The following INPP5A variants were observed in gnomAD, a reference collection of about 807,000 sequenced individuals.
The protein encoded by INPP5A is 43 kDa inositol polyphosphate 5-phophatase.
In INPP5A, 14 loss-of-function variants were observed where a neutral mutation model predicts 65.2. That is an observed-to-expected ratio of 0.21 (90% CI 0.14 to 0.34). The LOEUF (loss-of-function observed/expected upper bound fraction) is 0.34. Ranked by LOEUF, INPP5A falls within the 10% of genes least tolerant of loss-of-function variation. The pLI is 1.00. For missense variants in INPP5A, 431 were observed against 545.6 expected, an observed-to-expected ratio of 0.79 and a Z score of 2.09; for synonymous variants, 207 against 208.3, an observed-to-expected ratio of 0.99 and a Z score of 0.05.
chr10:132,733,646 C>G (rs1846125047), intron 9 of INPP5A, among the ~76,000 whole-genome samples: 1 of 152,130 alleles, frequency 6.6e-6, no homozygotes, highest in Non-Finnish European at 1.5e-5. Flanking sequence ...TGACTTGGAC[C>G]AAGGAATTGA....
In INPP5A at chr10:132,551,514, G is replaced by A. The variant is rs1369706792; in HGVS notation, c.75+13343G>A. Among the ~76,000 whole-genome samples the A allele has an allele frequency of 2.0e-5, 3 of 152,220 alleles. No homozygotes were observed. Among genetic ancestry groups the A allele is most frequent in the African/African-American group, 4.8e-5 (2 of 41,444 alleles). On this transcript the variant is annotated intron_variant, in intron 1 of 15. Transcript: ENST00000368594. This position sits in a 1 kb window ranked among gnomAD's most constrained non-coding sequence, Gnocchi z 5.3. ...GGGGGATTTGGGTGGGACTCTCAGA[G>A]GAGCTGGTTCTCTTGAGAAAGACAT...
At position 132,748,354 on chromosome 10, in the gene INPP5A, G is replaced by A. The variant is rs114832610; in HGVS notation, c.733-1163G>A. Reference sequence around the variant, plus strand: ...ACGCCGGTGCCTCTGCCCGCCATGAGCACGGGCCCTCGCTGTCCACACAGA... The same window carrying A: ...ACGCCGGTGCCTCTGCCCGCCATGAACACGGGCCCTCGCTGTCCACACAGA... On this transcript the variant is annotated intron_variant, in intron 9 of 15. Transcript: ENST00000368594. Among the ~76,000 whole-genome samples, 522 of 152,348 alleles carry A rather than the reference G, an allele frequency of 3.4e-3. 3 individuals are homozygous for A. Among genetic ancestry groups the A allele is most frequent in the African/African-American group, 0.011 (464 of 41,586 alleles).
intron 6 of INPP5A, 83 bp from the exon 7 acceptor site, chr10:132,708,230 C>G: frequency 8.1e-7 from 1 of 1,228,854 alleles, no homozygotes; most frequent in Non-Finnish European, 1.2e-6. Flanking sequence ...AAAGCATCTC[C>G]TGTGTCCTTT....
chr10:132,559,999 GCT>G (rs1474360763), intron 1 of INPP5A, among the ~76,000 whole-genome samples: 2 of 152,194 alleles, frequency 1.3e-5, no homozygotes, highest in Non-Finnish European at 2.9e-5. Flanking sequence ...TGTGTCTCCA[GCT>G]CTCTTGGGTG....
intron 4 of INPP5A, among the ~76,000 whole-genome samples, chr10:132,682,183 A>G (rs61862804): frequency 2.1e-3 from 214 of 100,160 alleles, no homozygotes; most frequent in African/African-American, 4.3e-3. Flanking sequence ...CGTCCTGGAG[A>G]TGGGAAGGTG....
chr10:132,650,583 G>T lies in INPP5A; in HGVS notation c.306+78G>T. 9.5e-7 allele frequency: 1 copy of T among 1,048,294 alleles called. No individual in the cohort carries two copies. The highest frequency in any genetic ancestry group is 1.3e-5 in the South Asian group (1 of 79,174). 64.9% of individuals were successfully genotyped at this position (1,048,294 alleles called of 1,614,324 possible). A position where few individuals can be genotyped will look rare whatever the true frequency, so the allele number is the denominator to read the frequency against. ...AAGCCAGCCCTTCTCCTGTGTAAAT[G>T]GAGAGAGGTCGGGGTGCTCCCTGCC... On this transcript the variant is annotated intron_variant, in intron 4 of 15. Transcript: ENST00000368594. This position sits in a 1 kb window ranked among gnomAD's most constrained non-coding sequence, Gnocchi z 5.5.
intron 12 of INPP5A, among the ~76,000 whole-genome samples, chr10:132,775,387 C>T (rs768267532): frequency 1.3e-5 from 2 of 152,054 alleles, no homozygotes; most frequent in Non-Finnish European, 1.5e-5. Flanking sequence ...GGCACTCCCA[C>T]GTCAGTCACT....
chr10:132,561,177 C>T (rs1212563043), intron 1 of INPP5A, among the ~76,000 whole-genome samples: 2 of 151,722 alleles, frequency 1.3e-5, no homozygotes, highest in South Asian at 2.1e-4. Flanking sequence ...ATCCTCCCAC[C>T]CCAGCCTCTG....
At chr10:132,562,839 T>C (rs1398377632) in intron 1 of INPP5A, among the ~76,000 whole-genome samples, 1 of 152,226 alleles carries the variant, frequency 6.6e-6, no homozygotes, top group African/African-American at 2.4e-5. Flanking sequence ...GGACAGAGCC[T>C]TGAGCTTGGA....
At chr10:132,730,915 T>A (rs533665020) in intron 9 of INPP5A, among the ~76,000 whole-genome samples, 1 of 152,320 alleles carries the variant, frequency 6.6e-6, no homozygotes, top group African/African-American at 2.4e-5. Flanking sequence ...TCAGATCTGA[T>A]AGAGCCGCGT....
chr10:132,542,401 G>A (rs1270614875), intron 1 of INPP5A, among the ~76,000 whole-genome samples: 2 of 152,094 alleles, frequency 1.3e-5, no homozygotes, highest in Admixed American at 6.5e-5. Context: ...GTATGGAGTC[G>A]GTGATGGTCA....
intron 5 of INPP5A, among the ~76,000 whole-genome samples, chr10:132,696,914 A>C (rs373397151): frequency 7.2e-4 from 110 of 152,320 alleles, no homozygotes; most frequent in African/African-American, 2.6e-3. Context: ...GTGACCCAGT[A>C]CCTTGGCCCA....
rs112953417 is a variant in INPP5A, at chr10:132,681,148, A to G, written c.307-9244A>G. On this transcript the variant is annotated intron_variant, in intron 4 of 15. Coordinates refer to ENST00000368594, the MANE Select transcript of INPP5A (RefSeq NM_005539.5). ...TGGTGGGGACGTGCAGAACCTTTGTATCTAGCTCAGGGATTGTAAACGCAC... is the reference window on the plus strand; with the variant it reads ...TGGTGGGGACGTGCAGAACCTTTGTGTCTAGCTCAGGGATTGTAAACGCAC... Among the ~76,000 whole-genome samples, 957 of 150,828 alleles carry G rather than the reference A, an allele frequency of 6.3e-3. 8 individuals are homozygous for G. The highest frequency in any genetic ancestry group is 0.022 in the African/African-American group (895 of 41,078).
At chr10:132,719,070 T>C (rs968817339) in intron 8 of INPP5A, among the ~76,000 whole-genome samples, 8 of 148,492 alleles carry the variant, frequency 5.4e-5, no homozygotes, top group Non-Finnish European at 1.2e-4. Context: ...GACGGCTGTC[T>C]CGCGGGTTCT....
chr10:132,684,419 T>G (rs1409303608), intron 4 of INPP5A, among the ~76,000 whole-genome samples: 2 of 152,168 alleles, frequency 1.3e-5, no homozygotes, highest in African/African-American at 4.8e-5. Flanking sequence ...GTATTACATA[T>G]GTATGTTTGT....
chr10:132,774,105 C>T (rs113441003), intron 12 of INPP5A, among the ~76,000 whole-genome samples: 4 of 152,326 alleles, frequency 2.6e-5, no homozygotes, highest in African/African-American at 7.2e-5. Flanking sequence ...TTCTCCCGCT[C>T]GGTAGCTTCA....
chr10:132,546,861 C>T lies in INPP5A; in HGVS notation c.75+8690C>T, dbSNP rs1301428296. Among the ~76,000 whole-genome samples, 1 of 152,174 alleles carries T rather than the reference C, an allele frequency of 6.6e-6. No homozygotes were observed. Among genetic ancestry groups the T allele is most frequent in the African/African-American group, 2.4e-5 (1 of 41,440 alleles). Reference sequence around the variant, plus strand: ...GGTCTTGCCTGGCCCTGCTTTTGGTCCTGTAGGCACCAGGACTGCACTCTG... The same window carrying T: ...GGTCTTGCCTGGCCCTGCTTTTGGTTCTGTAGGCACCAGGACTGCACTCTG... On this transcript the variant is annotated intron_variant, in intron 1 of 15. Transcript: ENST00000368594. The surrounding 1 kb of genome is among the most constrained non-coding windows in gnomAD (Gnocchi z 5.7).
rs560821521 is a variant in INPP5A at position 132,726,026 on chromosome 10, G to A, written c.648-795G>A. On this transcript the variant is annotated intron_variant, in intron 8 of 15. Transcript: ENST00000368594. Reference sequence around the variant, plus strand: ...CAAGCAGTTCACGGCGTTACTGACTGGAGCCGCTGAGGGGAGATTTGGGGT... The same window carrying A: ...CAAGCAGTTCACGGCGTTACTGACTAGAGCCGCTGAGGGGAGATTTGGGGT... 9.9e-5 allele frequency among the ~76,000 whole-genome samples: 15 copies of A among 152,176 alleles called. No individual in the cohort carries two copies. The South Asian group carries it at 2.7e-3, about 27-fold the overall frequency.
intron 1 of INPP5A, among the ~76,000 whole-genome samples, chr10:132,567,205 C>G (rs564357865): frequency 6.6e-6 from 1 of 152,314 alleles, no homozygotes; most frequent in African/African-American, 2.4e-5. Flanking sequence ...TTCTCAGATG[C>G]CACTGTCAGA....
Sources: allele counts gnomAD v4.1 joint callset (sites outside exome capture counted in the v4.1 genomes callset), GRCh38; gene constraint gnomAD v4.1.1; non-coding constraint Gnocchi (gnomAD v3.1); transcripts MANE v1.5; gene names NCBI Gene and HGNC (gene_info 2026-07-23, HGNC 2026-07-21).